CHIC1: variants seen among roughly 807,000 people sequenced by gnomAD.
The protein encoded by CHIC1 is cysteine-rich hydrophobic domain-containing protein 1.
In CHIC1, 7 loss-of-function variants were observed where a neutral mutation model predicts 18.5. The observed-to-expected ratio is 0.38, with a 90% CI of 0.22 to 0.71. CHIC1 has a LOEUF of 0.71. Ranked by LOEUF, CHIC1 falls within the 30% of genes least tolerant of loss-of-function variation. CHIC1 has a pLI of 0.49. For missense variants in CHIC1, 159 were observed against 176.9 expected (o/e 0.90, Z 0.57); for synonymous variants, 77 against 73.5 (o/e 1.05, Z -0.25).
intron 3 of CHIC1, among the ~76,000 whole-genome samples, chrX:73,592,178 T>A (rs917223512): frequency 5.4e-4 from 60 of 111,188 alleles, no homozygotes; most frequent in Admixed American, 3.0e-3. Context: ...TACCTATTTA[T>A]GTGCCTTTTA....
chrX:73,666,897 C>T (rs1356412390), intron 3 of CHIC1, among the ~76,000 whole-genome samples: 1 of 111,612 alleles, frequency 9.0e-6, no homozygotes, highest in Non-Finnish European at 1.9e-5. Flanking sequence ...AGTTTAAGTC[C>T]TGAATATCTG....
At position 73,678,704 on chromosome X, in the gene CHIC1, C is replaced by T. The variant is rs188461745; in HGVS notation, c.508-622C>T. Among the ~76,000 whole-genome samples the T allele has an allele frequency of 2.3e-3, 261 of 112,393 alleles. 1 individual carries two copies. Among genetic ancestry groups the T allele is most frequent in the Non-Finnish European group, 4.0e-3 (212 of 53,233 alleles). Reference sequence around the variant, plus strand: ...CAGATTCTAAATGAAGAAACTCAGTCTCTGTCCCCCTCTTTGCTACATTAC... The same window carrying T: ...CAGATTCTAAATGAAGAAACTCAGTTTCTGTCCCCCTCTTTGCTACATTAC... On this transcript the variant is annotated intron_variant, in intron 3 of 5. Coordinates refer to ENST00000373502, the MANE Select transcript of CHIC1 (RefSeq NM_001039840.4).
At chrX:73,594,666 A>T (rs867214051) in intron 3 of CHIC1, among the ~76,000 whole-genome samples, 3 of 111,817 alleles carry the variant, frequency 2.7e-5, no homozygotes, top group Non-Finnish European at 5.6e-5. Flanking sequence ...AGTTACATTT[A>T]TACTGTTGTG....
Position 73,668,271 on chromosome X carries a change from A to T in CHIC1, c.508-11055A>T, listed in dbSNP as rs764563171. 1.1e-4 allele frequency among the ~76,000 whole-genome samples: 12 copies of T among 111,676 alleles called. No homozygotes were observed. In the South Asian group the frequency reaches 4.5e-3, roughly 42 times the overall value. ...CTGTCAGCTCCTGTATTGTTTTATCATGATTCTTAGCTTCTTGGCATTGGG... is the reference window on the plus strand; with the variant it reads ...CTGTCAGCTCCTGTATTGTTTTATCTTGATTCTTAGCTTCTTGGCATTGGG... On this transcript the variant is annotated intron_variant, in intron 3 of 5. Coordinates refer to ENST00000373502, the MANE Select transcript of CHIC1 (RefSeq NM_001039840.4).
At chrX:73,571,068 A>C (rs2057468548) in intron 1 of CHIC1, among the ~76,000 whole-genome samples, 1 of 110,367 alleles carries the variant, frequency 9.1e-6, no homozygotes, top group Non-Finnish European at 1.9e-5. Flanking sequence ...AGCAGTGGAC[A>C]GTTCATTTGT....
At chrX:73,632,031 G>A (rs190992294) in intron 3 of CHIC1, among the ~76,000 whole-genome samples, 31 of 111,701 alleles carry the variant, frequency 2.8e-4, no homozygotes, top group African/African-American at 8.5e-4. Context: ...AATTTTCTGC[G>A]AATGTCTGTT....
intron 3 of CHIC1, among the ~76,000 whole-genome samples, chrX:73,592,767 A>G (rs2057588413): frequency 9.1e-6 from 1 of 110,395 alleles, no homozygotes; most frequent in Admixed American, 9.6e-5. Flanking sequence ...GAATAATTTT[A>G]GTATGATTGG....
intron 3 of CHIC1, among the ~76,000 whole-genome samples, chrX:73,623,082 T>C (rs924402941): frequency 6.3e-5 from 7 of 111,944 alleles, no homozygotes; most frequent in Non-Finnish European, 9.4e-5. Context: ...TTGCATTTGC[T>C]GAGTAGTGTT....
intron 3 of CHIC1, 118 bp from the exon 4 acceptor site, chrX:73,679,208 A>G: frequency 2.1e-6 from 1 of 468,763 alleles, no homozygotes; most frequent in Non-Finnish European, 3.7e-6. Flanking sequence ...TCTCATTTCT[A>G]ATAGAAAAAC....
At chrX:73,611,742 G>A (rs1481124182) in intron 3 of CHIC1, among the ~76,000 whole-genome samples, 2 of 108,141 alleles carry the variant, frequency 1.8e-5, no homozygotes, top group African/African-American at 7.1e-5. Flanking sequence ...TCTCATTGTG[G>A]TTTTGATTTG....
At chrX:73,651,228 A>G (rs1209608045) in intron 3 of CHIC1, among the ~76,000 whole-genome samples, 1 of 111,846 alleles carries the variant, frequency 8.9e-6, no homozygotes, top group Non-Finnish European at 1.9e-5. Flanking sequence ...TCAAACTAAC[A>G]TTCACATTCT....
At position 73,563,443 on chromosome X, in the gene CHIC1, A is replaced by G. The variant is rs1040006463; in HGVS notation, c.159A>G (p.Glu53=). ...AGGAGGATGAGGAGGAAGAGGAGGA[A>G]GAGGAGGAGGAGGAAGAAGAGGAGG... ...DDEEDEEEEE[E]EEEEEEEEEE... Residue 53 remains glutamate (E), a synonymous_variant, in exon 1 of 6, where the codon GAA becomes GAG. Transcript: ENST00000373502. The G allele has an allele frequency of 6.1e-5, 71 of 1,156,486 alleles. No individual in the cohort carries two copies. Among genetic ancestry groups the G allele is most frequent in the Non-Finnish European group, 7.7e-5 (67 of 868,119 alleles).
intron 3 of CHIC1, among the ~76,000 whole-genome samples, chrX:73,673,859 C>T (rs1018451786): frequency 6.6e-4 from 74 of 111,825 alleles, no homozygotes; most frequent in African/African-American, 2.3e-3. Context: ...AGTTTTTGCC[C>T]ATTCAGTATG....
At chrX:73,623,923 AG>A (rs1242275292) in intron 3 of CHIC1, among the ~76,000 whole-genome samples, 2 of 111,638 alleles carry the variant, frequency 1.8e-5, no homozygotes, top group African/African-American at 6.5e-5. Flanking sequence ...CACAGATAAA[AG>A]AAGATCCAGT....
intron 3 of CHIC1, among the ~76,000 whole-genome samples, chrX:73,592,663 T>C (rs1243251135): frequency 2.7e-5 from 3 of 110,607 alleles, no homozygotes; most frequent in Non-Finnish European, 5.7e-5. Context: ...GCCTGAAGTT[T>C]TTTTTTCATT....
intron 3 of CHIC1, among the ~76,000 whole-genome samples, chrX:73,619,809 C>T (rs1314125205): frequency 1.8e-5 from 2 of 110,975 alleles, no homozygotes; most frequent in East Asian, 2.9e-4. Flanking sequence ...CTACACCCAT[C>T]GACCTGTAAT....
At chrX:73,593,346 T>C (rs1001727878) in intron 3 of CHIC1, among the ~76,000 whole-genome samples, 3 of 111,716 alleles carry the variant, frequency 2.7e-5, no homozygotes, top group Non-Finnish European at 5.7e-5. Context: ...CTGTAAACTT[T>C]CCTCTTCATG....
chrX:73,566,959 T>C (rs1369154709), intron 1 of CHIC1, among the ~76,000 whole-genome samples: 1 of 111,955 alleles, frequency 8.9e-6, no homozygotes, highest in African/African-American at 3.2e-5. Flanking sequence ...CAATTAATGG[T>C]ATTCAAATTC....
chrX:73,579,014 T>C (rs1332228884), intron 2 of CHIC1, among the ~76,000 whole-genome samples: 1 of 110,637 alleles, frequency 9.0e-6, no homozygotes, highest in East Asian at 2.8e-4. Flanking sequence ...CCCAGCCTCT[T>C]TGCAGGGTAG....
Sources: allele counts gnomAD v4.1 joint callset (sites outside exome capture counted in the v4.1 genomes callset), GRCh38; gene constraint gnomAD v4.1.1; transcripts MANE v1.5; gene names NCBI Gene and HGNC (gene_info 2026-07-23, HGNC 2026-07-21).